PCDH15: variants seen among roughly 807,000 people sequenced by gnomAD.
The protein encoded by PCDH15 is protocadherin related 15.
A neutral mutation model predicts 178.5 loss-of-function variants in PCDH15; 129 were observed. That is an observed-to-expected ratio of 0.72 (90% confidence interval 0.63 to 0.84). PCDH15 has a LOEUF of 0.84. Among genes scored for constraint, PCDH15 ranks in the 40% least tolerant of loss-of-function variants. The pLI, the probability that PCDH15 is intolerant of heterozygous loss-of-function variation, is 0.00. For synonymous variants in PCDH15, 800 were observed against 732.0 expected (o/e 1.09, Z -1.50); for missense variants, 2,230 against 2,099.9 (o/e 1.06, Z -1.21).
At chr10:54,821,326 C>G (rs976874517) in intron 3 of PCDH15, among the ~76,000 whole-genome samples, 1 of 151,922 alleles carries the variant, frequency 6.6e-6, no homozygotes, top group Non-Finnish European at 1.5e-5. Context: ...CCTGACCCAA[C>G]TATGTACATT....
At chr10:54,495,627 TG>T (rs370909861) in intron 3 of PCDH15, among the ~76,000 whole-genome samples, 111 of 152,216 alleles carry the variant, frequency 7.3e-4, no homozygotes, top group African/African-American at 2.2e-3. Context: ...AAAGGACAAA[TG>T]GGGAGCTTTT....
Position 55,096,956 on chromosome 10 carries a change from T to C in PCDH15, c.-80+69620A>G, listed in dbSNP as rs530105767. Among the ~76,000 whole-genome samples the C allele has an allele frequency of 5.9e-5, 9 of 152,196 alleles. No individual in the cohort carries two copies. The South Asian group carries it at 6.2e-4, about 11-fold the overall frequency. On this transcript the variant is annotated intron_variant, in intron 2 of 5. Transcript: ENST00000458638. Reference sequence around the variant, plus strand: ...ACAGCTCACATATCCCAACTGAATATTGGAAGGTATAATTGCTAATACCTG... The same window carrying C: ...ACAGCTCACATATCCCAACTGAATACTGGAAGGTATAATTGCTAATACCTG...
chr10:54,656,512 C>G (rs983456741), intron 2 of PCDH15, among the ~76,000 whole-genome samples: 26 of 152,202 alleles, frequency 1.7e-4, no homozygotes, highest in African/African-American at 5.8e-4. Context: ...TGCCCACACT[C>G]TTCTCAGGCC....
At chr10:54,773,528 C>T (rs1002482977) in intron 1 of PCDH15, among the ~76,000 whole-genome samples, 2 of 152,150 alleles carry the variant, frequency 1.3e-5, no homozygotes, top group African/African-American at 4.8e-5. Context: ...CAGATGCATT[C>T]TCAACATGAA....
At chr10:55,589,196 G>A (rs1192631542) in intron 2 of PCDH15, among the ~76,000 whole-genome samples, 3 of 151,594 alleles carry the variant, frequency 2.0e-5, no homozygotes, top group African/African-American at 7.3e-5. Context: ...TAGGTCTAAC[G>A]TTTAAGTCTT....
intron 2 of PCDH15, among the ~76,000 whole-genome samples, chr10:54,601,044 C>T (rs1170511852): frequency 6.6e-6 from 1 of 152,018 alleles, no homozygotes; most frequent in Non-Finnish European, 1.5e-5. Flanking sequence ...ATTATGTTTA[C>T]CACACTGGTG....
chr10:55,011,107 TAC>T (rs35301705), intron 2 of PCDH15, among the ~76,000 whole-genome samples: 4 of 151,410 alleles, frequency 2.6e-5, no homozygotes, highest in Admixed American at 6.6e-5. Flanking sequence ...ATTTTCTTGT[TAC>T]ACACACACAC....
At chr10:55,328,160 C>T (rs549579135) in intron 2 of PCDH15, among the ~76,000 whole-genome samples, 3 of 151,690 alleles carry the variant, frequency 2.0e-5, no homozygotes, top group African/African-American at 4.8e-5. Flanking sequence ...GTGTTGATGC[C>T]GTACAAAATT....
At chr10:55,464,351 C>T (rs1005510460) in intron 2 of PCDH15, among the ~76,000 whole-genome samples, 3 of 151,744 alleles carry the variant, frequency 2.0e-5, no homozygotes, top group Non-Finnish European at 2.9e-5. Flanking sequence ...TTTATATTGT[C>T]ATTTTGTAGT....
Position 53,822,320 on chromosome 10 carries a change from C to T in PCDH15, c.4368-2090G>A, listed in dbSNP as rs534255804. 2.9e-5 allele frequency: 46 copies of T among 1,601,824 alleles called. No homozygotes were observed. Among genetic ancestry groups the T allele is most frequent in the South Asian group, 2.8e-4 (25 of 90,254 alleles). On this transcript the variant is annotated intron_variant, in intron 32 of 37. Transcript: ENST00000644397. Reference sequence around the variant, plus strand: ...GAAGAGGTGGTGTTGGGGGACCAGACGTTGAAACGGAAAGTGGAAAAAATG... The same window carrying T: ...GAAGAGGTGGTGTTGGGGGACCAGATGTTGAAACGGAAAGTGGAAAAAATG...
chr10:54,387,801 C>A (rs974473313), intron 3 of PCDH15, among the ~76,000 whole-genome samples: 5 of 152,182 alleles, frequency 3.3e-5, no homozygotes, highest in Non-Finnish European at 7.3e-5. Context: ...TCGGCAGTAT[C>A]ACCTGATTAA....
intron 30 of PCDH15, among the ~76,000 whole-genome samples, chr10:53,829,022 C>T (rs2076870483): frequency 1.3e-5 from 2 of 152,234 alleles, no homozygotes; most frequent in African/African-American, 4.8e-5. Flanking sequence ...GAAGGTCCTA[C>T]TCTTGGGTAA....
intron 25 of PCDH15, among the ~76,000 whole-genome samples, chr10:53,911,531 A>G (rs2083087280): frequency 6.6e-6 from 1 of 152,214 alleles, no homozygotes; most frequent in Admixed American, 6.5e-5. Flanking sequence ...TTGACACCCT[A>G]ACATCACAAT....
intron 1 of PCDH15, among the ~76,000 whole-genome samples, chr10:54,742,086 A>T (rs548772942): frequency 6.6e-6 from 1 of 152,186 alleles, no homozygotes; most frequent in South Asian, 2.1e-4. Flanking sequence ...ATCTATGTGA[A>T]TATATATAGC....
intron 6 of PCDH15, among the ~76,000 whole-genome samples, chr10:54,344,569 G>A (rs1436296332): frequency 6.6e-6 from 1 of 151,960 alleles, no homozygotes; most frequent in African/African-American, 2.4e-5. Context: ...CTTGCTGGGA[G>A]GTTTTATTTT....
intron 6 of PCDH15, among the ~76,000 whole-genome samples, chr10:54,330,993 G>A (rs1939415746): frequency 6.6e-6 from 1 of 151,396 alleles, no homozygotes; most frequent in Non-Finnish European, 1.5e-5. Flanking sequence ...AGAAAAATGA[G>A]AGGAAAAGGC....
rs185388403 is a variant in PCDH15 at position 54,757,709 on chromosome 10, C to T, written c.-29+43216G>A. Among the ~76,000 whole-genome samples, 4 of 152,180 alleles carry T rather than the reference C, an allele frequency of 2.6e-5. No homozygotes were observed. In the East Asian group the frequency reaches 7.7e-4, roughly 29 times the overall value. Reference sequence around the variant, plus strand: ...CCTAAATAAGACCAATTAGATTATTCCTTAAAGTTTTATTTATGCCGAGAG... The same window carrying T: ...CCTAAATAAGACCAATTAGATTATTTCTTAAAGTTTTATTTATGCCGAGAG... On this transcript the variant is annotated intron_variant, in intron 1 of 37. Coordinates refer to ENST00000644397, the MANE Select transcript of PCDH15 (RefSeq NM_001384140.1).
At position 54,351,264 on chromosome 10, in the gene PCDH15, C is replaced by T. The variant is rs557412310; in HGVS notation, c.475-4780G>A. On this transcript the variant is annotated intron_variant, in intron 5 of 37. Transcript: ENST00000644397. ...CTCAAAATCACAACTACCTTATTAT[C>T]ATTACAAAAACCAAACAAAAGACAT... 2.6e-5 allele frequency among the ~76,000 whole-genome samples: 4 copies of T among 152,166 alleles called. 1 individual carries two copies. The highest frequency in any genetic ancestry group is 6.5e-5 in the Admixed American group (1 of 15,284).
chr10:55,370,811 T>A (rs1845489647), intron 2 of PCDH15, among the ~76,000 whole-genome samples: 1 of 152,152 alleles, frequency 6.6e-6, no homozygotes, highest in African/African-American at 2.4e-5. Context: ...CCCTAACATA[T>A]AATCCATCCA....
Sources: allele counts gnomAD v4.1 joint callset (sites outside exome capture counted in the v4.1 genomes callset), GRCh38; gene constraint gnomAD v4.1.1; transcripts MANE v1.5; gene names NCBI Gene and HGNC (gene_info 2026-07-23, HGNC 2026-07-21).